Variants in FSAF1 observed in about 807,000 individuals in gnomAD.
The protein encoded by FSAF1 is 40S small subunit processome assembly factor 1.
At chr1:231,240,920 G>A in the FSAF1 span, 1 of 1,000,202 alleles carries the variant, frequency 1.0e-6, no homozygotes, top group Admixed American at 2.0e-5. The surrounding 1 kb of genome is among the most constrained non-coding windows in gnomAD (Gnocchi z 4.1). Flanking sequence ...TGACATGCAA[G>A]AACCTTTAGC....
At chr1:231,237,376 T>C in the FSAF1 span, 2 of 152,236 alleles carry the variant, frequency 1.3e-5, no homozygotes, top group East Asian at 1.9e-4. Flanking sequence ...CATATGGCCA[T>C]GTCCTACTCC....
chr1:231,227,059 C>G, the FSAF1 span: 2 of 1,614,126 alleles, frequency 1.2e-6, no homozygotes, highest in Non-Finnish European at 1.7e-6. Context: ...CGGTGCACTT[C>G]TAAACGAGCC....
the FSAF1 span, chr1:231,239,094 C>T: frequency 6.2e-7 from 1 of 1,614,066 alleles, no homozygotes; most frequent in African/African-American, 1.3e-5. Flanking sequence ...GGGGAGATGG[C>T]TCTGCTGCCA....
chr1:231,226,176 T>TC, the FSAF1 span, among the ~76,000 whole-genome samples: 1 of 152,056 alleles, frequency 6.6e-6, no homozygotes, highest in African/African-American at 2.4e-5. Flanking sequence ...TGGCAATGGA[T>TC]CCCTCATGAA....
the FSAF1 span, among the ~76,000 whole-genome samples, chr1:231,239,650 A>G: frequency 6.6e-6 from 1 of 152,348 alleles, no homozygotes; most frequent in African/African-American, 2.4e-5. Flanking sequence ...TTTGTTTTCT[A>G]TTAATTCCTC....
chr1:231,224,499 C>A, the FSAF1 span: 2 of 1,404,098 alleles, frequency 1.4e-6, no homozygotes, highest in Non-Finnish European at 1.9e-6. Flanking sequence ...CCACTGCAGT[C>A]TGGCCTGCAA....
the FSAF1 span, chr1:231,238,666 A>C: frequency 4.0e-5 from 21 of 526,108 alleles, no homozygotes; most frequent in South Asian, 6.9e-4. Context: ...AACTTGAATA[A>C]CTAAGGTCAG....
the FSAF1 span, among the ~76,000 whole-genome samples, chr1:231,233,604 G>A: frequency 3.9e-5 from 6 of 152,074 alleles, no homozygotes; most frequent in Non-Finnish European, 8.8e-5. Context: ...CCAGGCTGGA[G>A]TGTAGTGGCA....
chr1:231,235,195 T>G, the FSAF1 span, among the ~76,000 whole-genome samples: 1 of 152,142 alleles, frequency 6.6e-6, no homozygotes, highest in African/African-American at 2.4e-5. Flanking sequence ...ACTTGTATAG[T>G]CACTACATTA....
At chr1:231,225,214 T>C in the FSAF1 span, 3 of 540,588 alleles carry the variant, frequency 5.5e-6, no homozygotes, top group Non-Finnish European at 9.9e-6. Flanking sequence ...TTCTTGGAAA[T>C]GTAAACTGCA....
At chr1:231,232,141 A>G in the FSAF1 span, among the ~76,000 whole-genome samples, 1 of 152,184 alleles carries the variant, frequency 6.6e-6, no homozygotes, top group South Asian at 2.1e-4. Flanking sequence ...TAGCTTGAGA[A>G]TCACTTCAGT....
At chr1:231,232,542 G>A in the FSAF1 span, among the ~76,000 whole-genome samples, 1 of 152,206 alleles carries the variant, frequency 6.6e-6, no homozygotes, top group Non-Finnish European at 1.5e-5. Flanking sequence ...CATGTAACAT[G>A]AGAAAAATTA....
At chr1:231,241,141 T>G in the FSAF1 span, 6 of 1,609,558 alleles carry the variant, frequency 3.7e-6, no homozygotes, top group Non-Finnish European at 5.1e-6. Context: ...TCAACCCTCA[T>G]TCTGCCGCGC....
the FSAF1 span, chr1:231,241,143 C>A: frequency 1.9e-6 from 3 of 1,608,112 alleles, no homozygotes; most frequent in Non-Finnish European, 2.5e-6. Context: ...AACCCTCATT[C>A]TGCCGCGCTG....
At chr1:231,238,447 T>C in the FSAF1 span, 1 of 164,920 alleles carries the variant, frequency 6.1e-6, no homozygotes, top group African/African-American at 2.4e-5. Context: ...AGGCCTGTGT[T>C]TACCAAACCC....
chr1:231,238,829 C>T, the FSAF1 span: 22 of 1,574,260 alleles, frequency 1.4e-5, no homozygotes, highest in South Asian at 2.3e-5. Context: ...GGGTTCACCA[C>T]GTATATATAA....
chr1:231,235,455 C>T, the FSAF1 span, among the ~76,000 whole-genome samples: 1 of 151,776 alleles, frequency 6.6e-6, no homozygotes, highest in Admixed American at 6.6e-5. Flanking sequence ...TGAGATCAGG[C>T]CACTGCACTC....
the FSAF1 span, among the ~76,000 whole-genome samples, chr1:231,232,961 C>G: frequency 6.6e-6 from 1 of 152,178 alleles, no homozygotes. Flanking sequence ...TTTGTTCACA[C>G]CTTGATGAGC....
the FSAF1 span, chr1:231,227,179 A>G: frequency 9.2e-7 from 1 of 1,088,266 alleles, no homozygotes. Context: ...ATGACAGCGT[A>G]CAGGAATAAT....
Sources: gnomAD v4.1 joint callset for allele counts (sites outside exome capture counted in the v4.1 genomes callset) on GRCh38, gnomAD v4.1.1 for gene constraint, Gnocchi (gnomAD v3.1) non-coding constraint, MANE v1.5 for transcripts, NCBI Gene and HGNC (gene_info 2026-07-23, HGNC 2026-07-21) for gene names.